The following MDN1 variants were observed in gnomAD, a reference collection of about 807,000 sequenced individuals.
MDN1 encodes the protein midasin AAA ATPase 1.
MDN1 carries 266 observed loss-of-function variants against 669.2 expected under a neutral mutation model. The ratio of observed to expected loss-of-function variants is 0.40; its 90% CI spans 0.36 to 0.44. The LOEUF is 0.44. MDN1 is among the 20% of genes least tolerant of loss of function. The pLI, the probability that MDN1 is intolerant of heterozygous loss-of-function variation, is 1.00. For missense variants in MDN1, 5,940 were observed against 6,754.0 expected, an observed-to-expected ratio of 0.88 and a Z score of 4.22; for synonymous variants, 2,385 against 2,457.1, an observed-to-expected ratio of 0.97 and a Z score of 0.87.
intron 83 of MDN1, among the ~76,000 whole-genome samples, chr6:89,669,719 C>G (rs974283682): frequency 6.6e-6 from 1 of 152,028 alleles, no homozygotes; most frequent in Non-Finnish European, 1.5e-5. Context: ...AATGAGGAAA[C>G]TGAGGCTTGG....
intron 33 of MDN1, among the ~76,000 whole-genome samples, chr6:89,736,272 A>C (rs538701854): frequency 6.6e-6 from 1 of 152,316 alleles, no homozygotes; most frequent in African/African-American, 2.4e-5. Context: ...CTTAAGGACA[A>C]GGTGTGGGCT....
At position 89,651,393 on chromosome 6, in the gene MDN1, G is replaced by A. The variant is rs557936840; in HGVS notation, c.15916-546C>T. On this transcript the variant is annotated intron_variant, in intron 95 of 101. Transcript: ENST00000369393. ...AATCAGCACTTTGGGAGGCCAAGGCGGGTGGATCACCTGAAGTTTGAGACC... is the reference window on the plus strand; with the variant it reads ...AATCAGCACTTTGGGAGGCCAAGGCAGGTGGATCACCTGAAGTTTGAGACC... 6.0e-5 allele frequency among the ~76,000 whole-genome samples: 9 copies of A among 151,110 alleles called. No individual in the cohort carries two copies. In the East Asian group the frequency reaches 7.8e-4, roughly 13 times the overall value.
chr6:89,756,483 C>A, intron 19 of MDN1, 93 bp from the exon 20 acceptor site: 1 of 607,162 alleles, frequency 1.6e-6, no homozygotes, highest in South Asian at 2.4e-5. Context: ...TATGTCAGCT[C>A]ATTTTAACTG....
intron 74 of MDN1, 87 bp from the exon 75 acceptor site, chr6:89,678,832 T>A: frequency 7.1e-7 from 1 of 1,405,112 alleles, no homozygotes; most frequent in Non-Finnish European, 9.6e-7. Context: ...ACCAGGGACC[T>A]TCTGGAGAAC....
intron 84 of MDN1, among the ~76,000 whole-genome samples, chr6:89,666,104 A>G (rs1054427238): frequency 6.6e-6 from 1 of 152,218 alleles, no homozygotes; most frequent in Admixed American, 6.5e-5. Flanking sequence ...GAAGCCTCTC[A>G]AAGAATGACT....
intron 75 of MDN1, among the ~76,000 whole-genome samples, chr6:89,678,030 T>A (rs1281071126): frequency 1.3e-5 from 2 of 152,202 alleles, no homozygotes; most frequent in African/African-American, 2.4e-5. Flanking sequence ...TCCCAGCACT[T>A]TGGGAGGCTG....
At chr6:89,817,750 T>C (rs1457252903) in intron 1 of MDN1, among the ~76,000 whole-genome samples, 1 of 152,184 alleles carries the variant, frequency 6.6e-6, no homozygotes, top group Non-Finnish European at 1.5e-5. Flanking sequence ...TTAGTGTTGC[T>C]GAAATAGCAA....
chr6:89,700,565 T>A, intron 56 of MDN1, 81 bp downstream of exon 56: 1 of 1,433,174 alleles, frequency 7.0e-7, no homozygotes, highest in Non-Finnish European at 9.6e-7. Context: ...AAAAGAAAAA[T>A]CTAAGGGAAA....
intron 3 of MDN1, 30 bp from the exon 4 acceptor site, chr6:89,794,237 T>C: frequency 8.0e-7 from 1 of 1,257,272 alleles, no homozygotes; most frequent in Non-Finnish European, 1.1e-6. Flanking sequence ...GTAAATTCAG[T>C]TTATCTGCAG....
intron 79 of MDN1, 86 bp from the exon 80 acceptor site, chr6:89,673,548 G>A (rs1810978220): frequency 1.7e-6 from 2 of 1,194,756 alleles, no homozygotes; most frequent in Admixed American, 1.9e-5. Context: ...TACAAGATAT[G>A]CAAGGTAGAA....
At chr6:89,721,998 G>A (rs1315369948) in intron 40 of MDN1, among the ~76,000 whole-genome samples, 1 of 152,090 alleles carries the variant, frequency 6.6e-6, no homozygotes, top group East Asian at 1.9e-4. Flanking sequence ...AAACTGGAGA[G>A]GGCCTAAACT....
At chr6:89,673,044 G>T (rs1810933580) in intron 80 of MDN1, among the ~76,000 whole-genome samples, 192 bp downstream of exon 80, 1 of 152,204 alleles carries the variant, frequency 6.6e-6, no homozygotes, top group Admixed American at 6.5e-5. Context: ...TACAAAGTAT[G>T]TAACAGGCAT....
At chr6:89,704,042 ATATG>A (rs1813357875) in intron 53 of MDN1, among the ~76,000 whole-genome samples, 1 of 151,208 alleles carries the variant, frequency 6.6e-6, no homozygotes, top group Admixed American at 6.6e-5. Flanking sequence ...AATTGAGGAT[ATATG>A]TTGCCATGAT....
At chr6:89,780,091 A>G (rs1818588394) in intron 11 of MDN1, 121 bp downstream of exon 11, 1 of 576,712 alleles carries the variant, frequency 1.7e-6, no homozygotes, top group South Asian at 3.1e-5. Flanking sequence ...CAAAAAAAGA[A>G]TAACAAACCA....
chr6:89,729,718 G>A (rs1394725582), intron 35 of MDN1, among the ~76,000 whole-genome samples: 2 of 142,060 alleles, frequency 1.4e-5, no homozygotes, highest in Non-Finnish European at 3.0e-5. Context: ...TTTGAAGGGA[G>A]TGAGGCTAGG....
chr6:89,789,097 C>T (rs1021622978), intron 7 of MDN1, among the ~76,000 whole-genome samples: 3 of 150,816 alleles, frequency 2.0e-5, no homozygotes, highest in East Asian at 2.0e-4. Context: ...GCACTCCAGC[C>T]GGGTCAACAG....
chr6:89,723,472 A>G (rs1379112049), intron 39 of MDN1, 40 bp downstream of exon 39: 2 of 1,226,738 alleles, frequency 1.6e-6, no homozygotes, highest in Non-Finnish European at 2.3e-6. Context: ...GTTCAAATAC[A>G]GCCAGAAAAA....
In MDN1 at chr6:89,789,867, A is replaced by G. The variant is rs771524844; in HGVS notation, c.1143T>C (p.Phe381=). 121 of 1,613,996 alleles carry G rather than the reference A, an allele frequency of 7.5e-5. No homozygotes were observed. The South Asian group carries it at 1.3e-3, about 17-fold the overall frequency. The part of the protein sequence containing the change: ...MYRCTDVPGE[F]VWQPGTLTQA... ...GTGTCAGGGTGCCAGGCTGCCACAC[A>G]AACTCTCCAGGAACATCTGTGCAGC... Residue 381 remains phenylalanine, a synonymous_variant, in exon 7 of 102, where the codon TTT becomes TTC. Coordinates refer to ENST00000369393, the MANE Select transcript of MDN1 (RefSeq NM_014611.3).
chr6:89,658,967 TG>T, intron 88 of MDN1, 50 bp from the exon 89 acceptor site: 1 of 1,508,094 alleles, frequency 6.6e-7, no homozygotes, highest in Non-Finnish European at 8.9e-7. Context: ...GAAACGTACA[TG>T]ATTTCTTAAG....
Sources: gnomAD v4.1 joint callset for allele counts (sites outside exome capture counted in the v4.1 genomes callset) on GRCh38, gnomAD v4.1.1 for gene constraint, MANE v1.5 for transcripts, NCBI Gene and HGNC (gene_info 2026-07-23, HGNC 2026-07-21) for gene names.